Variants in PPP1R9A observed in about 807,000 individuals in gnomAD.
PPP1R9A encodes neurabin-1.
In PPP1R9A, 59 loss-of-function variants were observed where a neutral mutation model predicts 141.9. The observed-to-expected ratio is 0.42, with a 90% CI of 0.34 to 0.52. The LOEUF (loss-of-function observed/expected upper bound fraction) is 0.52, where lower values mean the gene tolerates loss of function less well. Among genes scored for constraint, PPP1R9A ranks in the 20% least tolerant of loss-of-function variants. The probability of loss-of-function intolerance (pLI) is 0.10; values close to 1 mark genes in which losing one functional copy is unlikely to be tolerated. For missense variants in PPP1R9A, 1,444 were observed against 1,611.9 expected, an observed-to-expected ratio of 0.90 and a Z score of 1.78; for synonymous variants, 500 against 569.7, an observed-to-expected ratio of 0.88 and a Z score of 1.74.
chr7:95,165,803 GGTCT>G (rs1831149348), intron 5 of PPP1R9A, among the ~76,000 whole-genome samples: 1 of 152,022 alleles, frequency 6.6e-6, no homozygotes, highest in Admixed American at 6.6e-5. Flanking sequence ...GAAAACTGAT[GGTCT>G]GTGAGGAGGA....
At chr7:95,199,445 G>A (rs1023501770) in intron 6 of PPP1R9A, among the ~76,000 whole-genome samples, 2 of 151,990 alleles carry the variant, frequency 1.3e-5, no homozygotes, top group Non-Finnish European at 2.9e-5. Context: ...TTGCTTTCTA[G>A]CCAGGATATA....
chr7:95,084,778 A>C (rs1397776071), intron 2 of PPP1R9A, among the ~76,000 whole-genome samples: 5 of 152,032 alleles, frequency 3.3e-5, no homozygotes, highest in African/African-American at 1.2e-4. Context: ...TAGTACATGT[A>C]TTCTATTGTA....
chr7:94,980,803 G>T (rs1216709436), intron 2 of PPP1R9A, among the ~76,000 whole-genome samples: 3 of 151,918 alleles, frequency 2.0e-5, no homozygotes, highest in African/African-American at 7.3e-5. Context: ...TAAAAATATT[G>T]AATATTACTC....
At chr7:95,198,592 G>A in intron 6 of PPP1R9A, 108 bp downstream of exon 6, 1 of 1,301,860 alleles carries the variant, frequency 7.7e-7, no homozygotes, top group African/African-American at 1.5e-5. Context: ...AGGAAGGTGT[G>A]TCCACATTGA....
intron 2 of PPP1R9A, among the ~76,000 whole-genome samples, chr7:95,100,639 C>CTA (rs1255064614): frequency 2.0e-5 from 3 of 152,076 alleles, no homozygotes; most frequent in Non-Finnish European, 2.9e-5. Flanking sequence ...ATGGATGCCA[C>CTA]TATAAGCAGC....
At chr7:94,968,788 AG>A (rs1267269711) in intron 2 of PPP1R9A, among the ~76,000 whole-genome samples, 1 of 152,096 alleles carries the variant, frequency 6.6e-6, no homozygotes, top group East Asian at 1.9e-4. Flanking sequence ...AATCAAATGT[AG>A]GTTTGGTCTT....
chr7:95,280,494 A>G (rs1403002360), intron 16 of PPP1R9A, among the ~76,000 whole-genome samples: 1 of 152,240 alleles, frequency 6.6e-6, no homozygotes, highest in African/African-American at 2.4e-5. Flanking sequence ...TTCAAGATAT[A>G]TGTAAATGAG....
chr7:94,913,245 A>G (rs1791668499), intron 2 of PPP1R9A, among the ~76,000 whole-genome samples: 1 of 152,162 alleles, frequency 6.6e-6, no homozygotes, highest in Non-Finnish European at 1.5e-5. Context: ...AGTTGGTTTA[A>G]TGGATTTTAA....
chr7:95,053,469 A>G (rs41521046), intron 2 of PPP1R9A, among the ~76,000 whole-genome samples: 11,447 of 152,266 alleles, frequency 0.075, 599 homozygotes, highest in African/African-American at 0.13. Flanking sequence ...GCAAAATTCA[A>G]TAAGGTTTTA....
chr7:95,138,229 G>A (rs1478943336), intron 4 of PPP1R9A, among the ~76,000 whole-genome samples: 2 of 152,282 alleles, frequency 1.3e-5, no homozygotes, highest in Non-Finnish European at 2.9e-5. Context: ...ACCGCGCCCG[G>A]CCAGCTGACT....
chr7:95,085,526 T>C (rs1816501461), intron 2 of PPP1R9A, among the ~76,000 whole-genome samples: 1 of 150,810 alleles, frequency 6.6e-6, no homozygotes, highest in South Asian at 2.1e-4. Flanking sequence ...GCGATTCTCC[T>C]GCCTCAGCTT....
intron 3 of PPP1R9A, among the ~76,000 whole-genome samples, chr7:95,119,368 G>A (rs1822110327): frequency 6.6e-6 from 1 of 152,078 alleles, no homozygotes; most frequent in African/African-American, 2.4e-5. Context: ...CAGAATGGTT[G>A]GATACATTAT....
intron 2 of PPP1R9A, among the ~76,000 whole-genome samples, chr7:94,994,901 AAC>A (rs1383926842): frequency 6.6e-6 from 1 of 151,936 alleles, no homozygotes; most frequent in East Asian, 1.9e-4. Flanking sequence ...AAAAAAAAAA[AAC>A]ACAAAAAACC....
chr7:95,162,250 A>G (rs575251679), intron 5 of PPP1R9A, among the ~76,000 whole-genome samples: 1 of 152,216 alleles, frequency 6.6e-6, no homozygotes, highest in Admixed American at 6.5e-5. Flanking sequence ...ATTTCTAGTT[A>G]AAACCTCAAT....
intron 2 of PPP1R9A, among the ~76,000 whole-genome samples, chr7:94,925,817 A>G (rs751482721): frequency 6.6e-6 from 1 of 151,552 alleles, no homozygotes; most frequent in Non-Finnish European, 1.5e-5. Flanking sequence ...TTGGGATGAT[A>G]TTAATATTAT....
chr7:95,185,282 A>G (rs1359764134), intron 5 of PPP1R9A, among the ~76,000 whole-genome samples: 1 of 151,990 alleles, frequency 6.6e-6, no homozygotes, highest in Non-Finnish European at 1.5e-5. Flanking sequence ...CCTGATCATT[A>G]GTGATGTTGA....
At chr7:95,229,767 C>T (rs1795658308) in intron 8 of PPP1R9A, among the ~76,000 whole-genome samples, 1 of 152,184 alleles carries the variant, frequency 6.6e-6, no homozygotes, top group African/African-American at 2.4e-5. Flanking sequence ...AATACTTGAC[C>T]AGGTGTTCCT....
At chr7:95,236,445 CAG>C (rs1278735356) in intron 8 of PPP1R9A, among the ~76,000 whole-genome samples, 1 of 151,826 alleles carries the variant, frequency 6.6e-6, no homozygotes, top group African/African-American at 2.4e-5. Context: ...TTTTCAATTT[CAG>C]GGGGACGATT....
chr7:95,294,273 C>CTTTTTTTTTTTTTTTT lies in PPP1R9A; in HGVS notation c.*3974_*3975insTTTTTTTTTTTTTTTT, dbSNP rs1239755770. ...AAATAAAATGTCCATATTTTCTTTT[C>CTTTTTTTTTTTTTTTT]TTTTCTTTTTTTTTTTTTTTTTCTG... On this transcript the variant is annotated 3_prime_UTR_variant, in exon 20 of 20. Coordinates refer to ENST00000433360, the MANE Select transcript of PPP1R9A (RefSeq NM_001166160.2). 2 of 117,668 alleles carry CTTTTTTTTTTTTTTTT rather than the reference C, an allele frequency of 1.7e-5. 1 individual carries two copies. 7.3% of individuals were successfully genotyped at this position (117,668 alleles called of 1,614,324 possible). A position where few individuals can be genotyped will look rare whatever the true frequency, so the allele number is the denominator to read the frequency against.
Sources: gnomAD v4.1 joint callset for allele counts (sites outside exome capture counted in the v4.1 genomes callset) on GRCh38, gnomAD v4.1.1 for gene constraint, MANE v1.5 for transcripts, NCBI Gene and HGNC (gene_info 2026-07-23, HGNC 2026-07-21) for gene names.